The following ATRNL1 variants were observed in gnomAD, a reference collection of about 807,000 sequenced individuals.
The protein encoded by ATRNL1 is attractin-like protein 1.
In ATRNL1, 95 loss-of-function variants were observed where a neutral mutation model predicts 182.7. The ratio of observed to expected loss-of-function variants is 0.52; its 90% CI spans 0.44 to 0.62. ATRNL1 has a LOEUF of 0.62. Among genes scored for constraint, ATRNL1 ranks in the 20% least tolerant of loss-of-function variants. The pLI is 0.00. For synonymous variants in ATRNL1, 576 were observed against 568.3 expected, an observed-to-expected ratio of 1.01 and a Z score of -0.19; for missense variants, 1,471 against 1,679.5, an observed-to-expected ratio of 0.88 and a Z score of 2.17.
At chr10:115,730,484 T>C (rs1165956723) in intron 27 of ATRNL1, among the ~76,000 whole-genome samples, 2 of 152,146 alleles carry the variant, frequency 1.3e-5, no homozygotes, top group African/African-American at 2.4e-5. Context: ...ATTTTCTTTT[T>C]GGAATTTTTC....
intron 3 of ATRNL1, among the ~76,000 whole-genome samples, chr10:115,126,555 A>G (rs11197072): frequency 0.22 from 33,247 of 152,184 alleles, 4,664 homozygotes; most frequent in Non-Finnish European, 0.31. Flanking sequence ...CTTCACAAAC[A>G]TAACCTAGTA....
At chr10:115,719,601 C>T (rs1555057236) in intron 26 of ATRNL1, among the ~76,000 whole-genome samples, 1 of 152,104 alleles carries the variant, frequency 6.6e-6, no homozygotes, top group Non-Finnish European at 1.5e-5. Flanking sequence ...TCAAAATACT[C>T]AGTGTTAGCA....
At chr10:115,573,260 GGGCCACCTAGT>G (rs1854511688) in intron 26 of ATRNL1, among the ~76,000 whole-genome samples, 1 of 152,060 alleles carries the variant, frequency 6.6e-6, no homozygotes, top group African/African-American at 2.4e-5. Context: ...GTCTGGAGTT[GGGCCACCTAGT>G]GGCCGGACTC....
intron 24 of ATRNL1, among the ~76,000 whole-genome samples, chr10:115,504,885 C>A (rs1305288114): frequency 6.6e-6 from 1 of 151,892 alleles, no homozygotes; most frequent in African/African-American, 2.4e-5. Context: ...ATTAGGCATG[C>A]CTATAGAAGT....
rs146834308 is a variant in ATRNL1, at chr10:115,864,770, C to T, written c.4018+16779C>T. ...GGCCGAGGTGGGCGGATCACAAGGTCGGGAGATCGAGACCATCCCGGCTAA... is the reference window on the plus strand; with the variant it reads ...GGCCGAGGTGGGCGGATCACAAGGTTGGGAGATCGAGACCATCCCGGCTAA... On this transcript the variant is annotated intron_variant, in intron 28 of 28. Coordinates refer to ENST00000355044, the MANE Select transcript of ATRNL1 (RefSeq NM_207303.4). Among the ~76,000 whole-genome samples the T allele has an allele frequency of 8.0e-3, 1,220 of 152,162 alleles. 45 individuals are homozygous for T. Among genetic ancestry groups the T allele is most frequent in the Admixed American group, 0.061 (929 of 15,284 alleles).
At chr10:115,833,595 C>T (rs570247831) in intron 27 of ATRNL1, among the ~76,000 whole-genome samples, 12 of 152,258 alleles carry the variant, frequency 7.9e-5, no homozygotes, top group South Asian at 4.1e-4. Flanking sequence ...ACTTGCCCTA[C>T]GCCAGGCAGT....
chr10:115,660,006 G>T (rs572499980), intron 26 of ATRNL1, among the ~76,000 whole-genome samples: 52 of 152,260 alleles, frequency 3.4e-4, no homozygotes, highest in African/African-American at 1.2e-3. Flanking sequence ...ATCCACTGAA[G>T]CAAGAAGCAT....
intron 26 of ATRNL1, among the ~76,000 whole-genome samples, chr10:115,635,689 A>G (rs1444374524): frequency 6.6e-6 from 1 of 152,230 alleles, no homozygotes; most frequent in Non-Finnish European, 1.5e-5. Context: ...AAGTATGCTC[A>G]TAATAGCATT....
chr10:115,634,517 A>G (rs1192901613), intron 26 of ATRNL1, among the ~76,000 whole-genome samples: 2 of 152,178 alleles, frequency 1.3e-5, no homozygotes, highest in African/African-American at 4.8e-5. Context: ...AAAAATTCAT[A>G]TAATTTAATA....
intron 27 of ATRNL1, among the ~76,000 whole-genome samples, chr10:115,786,311 A>C (rs1949395354): frequency 6.6e-6 from 1 of 152,092 alleles, no homozygotes; most frequent in African/African-American, 2.4e-5. Context: ...ACCATAACCA[A>C]TTACCACAGA....
chr10:115,774,663 C>T (rs565956710), intron 27 of ATRNL1, among the ~76,000 whole-genome samples: 5 of 152,176 alleles, frequency 3.3e-5, no homozygotes, highest in Admixed American at 6.5e-5. Flanking sequence ...ACTTTAGTAC[C>T]GTCCAACAAT....
At chr10:115,420,295 C>A (rs111520512) in intron 20 of ATRNL1, among the ~76,000 whole-genome samples, 1 of 151,802 alleles carries the variant, frequency 6.6e-6, no homozygotes, top group Admixed American at 6.6e-5. Flanking sequence ...CCACCTGCCT[C>A]GGCCTCCCAA....
In ATRNL1 at chr10:115,093,772, C is replaced by A; in HGVS notation, c.22C>A (p.Arg8Ser). 7.0e-7 allele frequency: 1 copy of A among 1,420,644 alleles called. No homozygotes were observed. Among genetic ancestry groups the A allele is most frequent in the Non-Finnish European group, 9.1e-7 (1 of 1,095,062 alleles). The allele number at this position is 1,420,644 out of a possible 1,614,324, so 88.0% of individuals were successfully genotyped here. METGGRA[R>S]TGTPQPAAPG... ...GAAGATGGAGACTGGGGGCCGGGCC[C>A]GCACTGGTACCCCGCAGCCAGCGGC... Residue 8 changes from arginine to serine, a missense_variant, in exon 1 of 29, where the codon CGC becomes AGC. Physicochemically the swap from Arg to Ser is moderately radical, Grantham distance 110. This residue lies in a region of ATRNL1 where 1,031 missense variants were observed against 1,156.0 expected (regional missense o/e 0.89). Coordinates refer to ENST00000355044, the MANE Select transcript of ATRNL1 (RefSeq NM_207303.4). The surrounding 1 kb of genome is among the most constrained non-coding windows in gnomAD (Gnocchi z 6.1).
chr10:115,607,456 TAATCCTTTA>T (rs1209158501), intron 26 of ATRNL1, among the ~76,000 whole-genome samples: 10 of 151,814 alleles, frequency 6.6e-5, no homozygotes, highest in African/African-American at 2.4e-4. Context: ...CTTATTTACA[TAATCCTTTA>T]AAGTTTACAA....
At chr10:115,461,414 C>A (rs1847790642) in intron 21 of ATRNL1, among the ~76,000 whole-genome samples, 1 of 151,920 alleles carries the variant, frequency 6.6e-6, no homozygotes. Context: ...ATCATAGAAT[C>A]ATTTTAAAAT....
chr10:115,248,315 G>A (rs782386235), intron 10 of ATRNL1, among the ~76,000 whole-genome samples: 3 of 152,020 alleles, frequency 2.0e-5, no homozygotes, highest in Non-Finnish European at 4.4e-5. Context: ...AGTAAAAAAT[G>A]TAAAAAAGGA....
intron 27 of ATRNL1, among the ~76,000 whole-genome samples, chr10:115,803,596 TG>T: frequency 7.1e-6 from 1 of 141,432 alleles, no homozygotes; most frequent in Admixed American, 6.9e-5. Flanking sequence ...TGGGTTTTTT[TG>T]TGTTTTTTTT....
intron 26 of ATRNL1, among the ~76,000 whole-genome samples, chr10:115,581,706 C>G (rs1555007525): frequency 6.6e-6 from 1 of 151,384 alleles, no homozygotes; most frequent in East Asian, 1.9e-4. Context: ...TCCATTCTTA[C>G]AAAGTTCGGA....
intron 25 of ATRNL1, among the ~76,000 whole-genome samples, chr10:115,547,327 TA>T (rs1328708122): frequency 6.6e-6 from 1 of 151,382 alleles, no homozygotes; most frequent in Non-Finnish European, 1.5e-5. Context: ...GAGAATGCAC[TA>T]ACTTGTCAGT....
Sources: allele counts gnomAD v4.1 joint callset (sites outside exome capture counted in the v4.1 genomes callset), GRCh38; gene constraint gnomAD v4.1.1; regional missense constraint gnomAD v4.1.1; non-coding constraint Gnocchi (gnomAD v3.1); transcripts MANE v1.5; gene names NCBI Gene and HGNC (gene_info 2026-07-23, HGNC 2026-07-21).